The following PHF3 variants were observed in gnomAD, a reference collection of about 807,000 sequenced individuals.
PHF3 encodes PHD finger protein 3.
In PHF3, 41 loss-of-function variants were observed where a neutral mutation model predicts 178.4. The ratio of observed to expected loss-of-function variants is 0.23; its 90% CI spans 0.18 to 0.30. The LOEUF (loss-of-function observed/expected upper bound fraction) is 0.30. Among genes scored for constraint, PHF3 ranks in the 10% least tolerant of loss-of-function variants. The pLI, the probability that PHF3 is intolerant of heterozygous loss-of-function variation, is 1.00. For missense variants in PHF3, 2,346 were observed against 2,398.1 expected (o/e 0.98, Z 0.45); for synonymous variants, 842 against 800.5 (o/e 1.05, Z -0.88).
chr6:63,650,978 A>G (rs1764994969), intron 2 of PHF3, among the ~76,000 whole-genome samples: 1 of 152,142 alleles, frequency 6.6e-6, no homozygotes. Flanking sequence ...CTACACATAT[A>G]AGTTCATTAT....
Position 63,713,705 on chromosome 6 carries a change from G to A in PHF3, c.6117G>A (p.Arg2039=). 6.5e-7 allele frequency: 1 copy of A among 1,549,180 alleles called. No individual in the cohort carries two copies. Among genetic ancestry groups the A allele is most frequent in the Non-Finnish European group, 8.7e-7 (1 of 1,155,066 alleles). Residue 2039 remains arginine (R), a synonymous_variant, in exon 16 of 16, where the codon AGG becomes AGA. Coordinates refer to ENST00000262043, the MANE Select transcript of PHF3 (RefSeq NM_001370348.2). ...RDHTDRTKSK[R] ...ACACTGACAGAACTAAAAGCAAAAG[G>A]TAAAATTTGCAGGCTGCTTCAGGAT...
chr6:63,681,141 T>A (rs1366808421), intron 3 of PHF3, among the ~76,000 whole-genome samples: 1 of 152,068 alleles, frequency 6.6e-6, no homozygotes, highest in Non-Finnish European at 1.5e-5. Flanking sequence ...AAGGTGTTGC[T>A]CCATTTTTTT....
At chr6:63,637,249 CGTT>C (rs2149531364) in intron 1 of PHF3, among the ~76,000 whole-genome samples, 1 of 152,096 alleles carries the variant, frequency 6.6e-6, no homozygotes, top group Non-Finnish European at 1.5e-5. Context: ...TTAAACAGTA[CGTT>C]GTTGTATTTA....
rs147627550 is a variant in PHF3 at position 63,712,608 on chromosome 6, C to T, written c.5020C>T (p.Arg1674Trp). Residue 1674 changes from arginine (R) to tryptophan (W), a missense_variant, in exon 16 of 16, where the codon CGG becomes TGG. Transcript: ENST00000262043. ...AGAAAGCAAAGATGGAGATAGTTGC[C>T]GGAATGGAGAAAAACACATGCTGCC... ...TSESKDGDSC[R>W]NGEKHMLPGL... 6.1e-5 allele frequency: 99 copies of T among 1,613,584 alleles called. No individual in the cohort carries two copies. Among genetic ancestry groups the T allele is most frequent in the Middle Eastern group, 3.3e-4 (2 of 6,082 alleles).
intron 2 of PHF3, among the ~76,000 whole-genome samples, chr6:63,669,488 A>T (rs756143296): frequency 7.9e-5 from 12 of 152,226 alleles, no homozygotes; most frequent in Non-Finnish European, 1.8e-4. Context: ...TTTCTCAAAC[A>T]TCTAAAATAT....
intron 2 of PHF3, among the ~76,000 whole-genome samples, chr6:63,669,131 A>C (rs181194752): frequency 1.8e-3 from 268 of 152,344 alleles, no homozygotes; most frequent in African/African-American, 6.0e-3. Flanking sequence ...TAGTGGACAG[A>C]TCAGTCTTGG....
At chr6:63,655,897 CCT>C (rs2149550076) in intron 2 of PHF3, among the ~76,000 whole-genome samples, 1 of 152,314 alleles carries the variant, frequency 6.6e-6, no homozygotes, top group South Asian at 2.1e-4. Flanking sequence ...GCCGCCTTGT[CCT>C]CTCAAAGTTC....
rs766496519 is a variant in PHF3 at position 63,722,448 on chromosome 6, A to G, written c.*8740A>G. Among the ~76,000 whole-genome samples, 4 of 152,116 alleles carry G rather than the reference A, an allele frequency of 2.6e-5. No individual in the cohort carries two copies. The highest frequency in any genetic ancestry group is 5.9e-5 in the Non-Finnish European group (4 of 68,024). ...TCACTAGGTTTCCCTCCATTACAGT[A>G]TATCTCATTTTATAATTATATAGTC... On this transcript the variant is annotated 3_prime_UTR_variant, in exon 16 of 16. Coordinates refer to ENST00000262043, the MANE Select transcript of PHF3 (RefSeq NM_001370348.2).
chr6:63,686,308 G>T, intron 4 of PHF3: 1 of 165,002 alleles, frequency 6.1e-6, no homozygotes, highest in Non-Finnish European at 1.3e-5. Flanking sequence ...AATAAAGTAT[G>T]AAGGTCATAA....
intron 2 of PHF3, chr6:63,679,667 G>A (rs1230789368): frequency 5.6e-6 from 2 of 359,236 alleles, no homozygotes; most frequent in Admixed American, 7.4e-5. Flanking sequence ...CCAAAATTGT[G>A]ATACTTGAGT....
chr6:63,711,026 T>C lies in PHF3; in HGVS notation c.3802-141T>C, dbSNP rs985806328. The C allele has an allele frequency of 7.5e-6, 4 of 532,922 alleles. No homozygotes were observed. The South Asian group carries it at 1.3e-4, about 18-fold the overall frequency. 33.0% of individuals were successfully genotyped at this position (532,922 alleles called of 1,614,324 possible). On this transcript the variant is annotated intron_variant, in intron 14 of 15. Transcript: ENST00000262043. ...GTTACTTGCTTTTAATATTCTCTTC[T>C]GTATTTAAGTTGGTAAACCACGTTA...
chr6:63,711,121 C>A, intron 14 of PHF3, 46 bp from the exon 15 acceptor site: 2 of 1,373,644 alleles, frequency 1.5e-6, no homozygotes, highest in South Asian at 1.4e-5. Flanking sequence ...CCAAGCTACT[C>A]TTTAGCTTAT....
At chr6:63,668,810 T>C (rs1037463513) in intron 2 of PHF3, among the ~76,000 whole-genome samples, 2 of 152,222 alleles carry the variant, frequency 1.3e-5, no homozygotes, top group South Asian at 2.1e-4. Context: ...GTTACTGTTA[T>C]AGAGGCAGAA....
intron 2 of PHF3, among the ~76,000 whole-genome samples, chr6:63,659,504 G>C (rs944748987): frequency 6.6e-6 from 1 of 152,154 alleles, no homozygotes; most frequent in African/African-American, 2.4e-5. Flanking sequence ...TAGTTAAAAT[G>C]TGTGGATGTT....
intron 1 of PHF3, among the ~76,000 whole-genome samples, chr6:63,637,037 C>A (rs912423420): frequency 6.6e-6 from 1 of 152,064 alleles, no homozygotes; most frequent in African/African-American, 2.4e-5. Context: ...TAGTGCTTTC[C>A]AGTAGTCACG....
rs781665236 is a variant in PHF3, at chr6:63,713,629, AAC to A, written c.6045_6046del (p.His2015GlnfsTer9). 6.2e-6 allele frequency: 10 copies of A among 1,612,766 alleles called. No individual in the cohort carries two copies. The highest frequency in any genetic ancestry group is 4.5e-5 in the East Asian group (2 of 44,796). On this transcript the variant is annotated frameshift_variant, in exon 16 of 16. Coordinates refer to ENST00000262043, the MANE Select transcript of PHF3 (RefSeq NM_001370348.2). LOFTEE classifies it high-confidence loss of function. ...AAGGACAAAGAACGAGAGAAAAGTA[AAC>A]ACAGAGAAGGAGAAAAGGACAGGGA...
At chr6:63,655,670 T>C (rs1765202737) in intron 2 of PHF3, among the ~76,000 whole-genome samples, 1 of 152,250 alleles carries the variant, frequency 6.6e-6, no homozygotes, top group African/African-American at 2.4e-5. Context: ...TTATATGCAA[T>C]ATAGCTTAAA....
At chr6:63,650,195 A>C (rs1020051402) in intron 2 of PHF3, among the ~76,000 whole-genome samples, 1 of 152,182 alleles carries the variant, frequency 6.6e-6, no homozygotes, top group African/African-American at 2.4e-5. Flanking sequence ...TTTCATTCAG[A>C]TAGCACTCTT....
chr6:63,656,622 A>G (rs894139428), intron 2 of PHF3, among the ~76,000 whole-genome samples: 4 of 152,162 alleles, frequency 2.6e-5, no homozygotes, highest in East Asian at 1.9e-4. Context: ...TTTTCTAGGC[A>G]TGTTATACAT....
Sources: gnomAD v4.1 joint callset for allele counts (sites outside exome capture counted in the v4.1 genomes callset) on GRCh38, gnomAD v4.1.1 for gene constraint, MANE v1.5 for transcripts, NCBI Gene and HGNC (gene_info 2026-07-23, HGNC 2026-07-21) for gene names.